Variants in IFT22 observed in about 807,000 individuals in gnomAD.
IFT22 encodes intraflagellar transport protein 22 homolog.
In IFT22, 13 loss-of-function variants were observed where a neutral mutation model predicts 21.0. That is an observed-to-expected ratio of 0.62 (90% CI 0.40 to 0.98). The LOEUF (loss-of-function observed/expected upper bound fraction) is 0.98, where lower values mean the gene tolerates loss of function less well. IFT22 is among the 50% of genes least tolerant of loss of function. The pLI is 0.00. For synonymous variants in IFT22, 67 were observed against 82.4 expected (o/e 0.81, Z 1.01); for missense variants, 227 against 228.9 (o/e 0.99, Z 0.06).
In IFT22 at chr7:101,318,922, G is replaced by A. The variant is rs764915732; in HGVS notation, c.116+34C>T. ...AATGAGCCTCCCTGCCGAGCCAGTTGGACACTCTGGGACACAGATTTGTCA... is the reference window on the plus strand; with the variant it reads ...AATGAGCCTCCCTGCCGAGCCAGTTAGACACTCTGGGACACAGATTTGTCA... On this transcript the variant is annotated intron_variant, in intron 2 of 4. Coordinates refer to ENST00000315322, the MANE Select transcript of IFT22 (RefSeq NM_022777.4). 5 of 1,542,308 alleles carry A rather than the reference G, an allele frequency of 3.2e-6. No individual in the cohort carries two copies. In the Admixed American group the frequency reaches 8.3e-5, roughly 26 times the overall value.
chr7:101,317,756 G>A (rs929398573), intron 3 of IFT22, among the ~76,000 whole-genome samples: 1 of 151,824 alleles, frequency 6.6e-6, no homozygotes, highest in Non-Finnish European at 1.5e-5. Flanking sequence ...CAGCTCTGTC[G>A]CCCAGGCTGG....
At position 101,312,264 on chromosome 7, in the gene IFT22, C is replaced by T. The variant is rs1328598453; in HGVS notation, c.*2870G>A. Among the ~76,000 whole-genome samples the T allele has an allele frequency of 2.6e-5, 4 of 151,908 alleles. No homozygotes were observed. The highest frequency in any genetic ancestry group is 9.7e-5 in the African/African-American group (4 of 41,372). ...ACAAAAAGTACAAAAATTAGCCAGG[C>T]GTGCACTAATTAGTGGGCTGGACCA... On this transcript the variant is annotated 3_prime_UTR_variant, in exon 5 of 5. Coordinates refer to ENST00000315322, the MANE Select transcript of IFT22 (RefSeq NM_022777.4).
At position 101,321,596 on chromosome 7, in the gene IFT22, C is replaced by T. The variant is rs1182646762; in HGVS notation, c.39+75G>A. 4 of 1,470,834 alleles carry T rather than the reference C, an allele frequency of 2.7e-6. No individual in the cohort carries two copies. In the East Asian group the frequency reaches 7.6e-5, roughly 28 times the overall value. 91.1% of individuals were successfully genotyped at this position (1,470,834 alleles called of 1,614,324 possible). On this transcript the variant is annotated intron_variant, in intron 1 of 4. Coordinates refer to ENST00000315322, the MANE Select transcript of IFT22 (RefSeq NM_022777.4). ...CTCCGGGAGCAAGCCGCAGATCAGA[C>T]GGGTGGGGACCTGCGCTCGCCCAGG... is the stretch of plus-strand genomic sequence containing the variant.
rs776042389 is a variant in IFT22, at chr7:101,316,405, G to A, written c.344C>T (p.Thr115Ile). ...CFVQQPSLQD[T>I]QCMLIAHHKP... ...GTGGTGTGCAATTAGCATACACTGTGTGTCCTGTAAGGACGGCTGTTGGAC... is the reference window on the plus strand; with the variant it reads ...GTGGTGTGCAATTAGCATACACTGTATGTCCTGTAAGGACGGCTGTTGGAC... Residue 115 changes from threonine (T) to isoleucine (I), a missense_variant, in exon 4 of 5, where the codon ACA (threonine) becomes ATA (isoleucine). Thr to Ile is a moderately conservative substitution (Grantham distance 89). Transcript: ENST00000315322. 1.9e-6 allele frequency: 3 copies of A among 1,613,996 alleles called. No homozygotes were observed. Among genetic ancestry groups the A allele is most frequent in the Non-Finnish European group, 2.5e-6 (3 of 1,180,042 alleles).
chr7:101,313,004 T>C lies in IFT22; in HGVS notation c.*2130A>G, dbSNP rs577682664. Among the ~76,000 whole-genome samples the C allele has an allele frequency of 3.0e-4, 46 of 152,032 alleles. No homozygotes were observed. Among genetic ancestry groups the C allele is most frequent in the Non-Finnish European group, 7.4e-5 (5 of 67,964 alleles). ...ACGTGCTACCACGCCCAGCTAATTTTTGTATTTTTAGTAGAGACGGGGTTT... is the reference window on the plus strand; with the variant it reads ...ACGTGCTACCACGCCCAGCTAATTTCTGTATTTTTAGTAGAGACGGGGTTT... On this transcript the variant is annotated 3_prime_UTR_variant, in exon 5 of 5. Coordinates refer to ENST00000315322, the MANE Select transcript of IFT22 (RefSeq NM_022777.4).
At position 101,311,963 on chromosome 7, in the gene IFT22, AAAAAC is replaced by A. The variant is rs979969387; in HGVS notation, c.*3166_*3170del. Among the ~76,000 whole-genome samples the A allele has an allele frequency of 2.6e-5, 4 of 152,092 alleles. No homozygotes were observed. The highest frequency in any genetic ancestry group is 9.7e-5 in the African/African-American group (4 of 41,414). On this transcript the variant is annotated 3_prime_UTR_variant, in exon 5 of 5. Transcript: ENST00000315322. ...GTGGAGATTGCAGTGAGACTCTCAA[AAAAAC>A]AAAACAACACAAAAAAATCTCCTAA...
In IFT22 at chr7:101,318,213, C is replaced by A; in HGVS notation, c.117G>T (p.Arg39Ser). ...ITEYSPTQGV[R>S]ILEFENPHVT... Reference sequence around the variant, plus strand: ...CATGCGGGTTCTCAAATTCTAGGATCCTAAAAGGAAAAAGAAGAGCAGTAG... The same window carrying A: ...CATGCGGGTTCTCAAATTCTAGGATACTAAAAGGAAAAAGAAGAGCAGTAG... Residue 39 changes from arginine to serine, a missense_variant and splice_region_variant, in exon 3 of 5, where the codon AGG (arginine) becomes AGT (serine). Arg to Ser is a moderately radical substitution (Grantham distance 110). Coordinates refer to ENST00000315322, the MANE Select transcript of IFT22 (RefSeq NM_022777.4). The A allele has an allele frequency of 3.1e-6, 5 of 1,612,076 alleles. No homozygotes were observed. The highest frequency in any genetic ancestry group is 4.2e-6 in the Non-Finnish European group (5 of 1,178,580).
At position 101,312,207 on chromosome 7, in the gene IFT22, C is replaced by G. The variant is rs2116908501; in HGVS notation, c.*2927G>C. Among the ~76,000 whole-genome samples the G allele has an allele frequency of 6.6e-6, 1 of 152,182 alleles. No homozygotes were observed. The highest frequency in any genetic ancestry group is 1.9e-4 in the East Asian group (1 of 5,160). Reference sequence around the variant, plus strand: ...TCACTCAAGGACAGGAGTTCGAGATCAGCTGGGGCAACATGGCAAAACCCC... The same window carrying G: ...TCACTCAAGGACAGGAGTTCGAGATGAGCTGGGGCAACATGGCAAAACCCC... On this transcript the variant is annotated 3_prime_UTR_variant, in exon 5 of 5. Coordinates refer to ENST00000315322, the MANE Select transcript of IFT22 (RefSeq NM_022777.4).
Position 101,314,945 on chromosome 7 carries a change from A to G in IFT22, c.*189T>C, listed in dbSNP as rs909601417. On this transcript the variant is annotated 3_prime_UTR_variant, in exon 5 of 5. Coordinates refer to ENST00000315322, the MANE Select transcript of IFT22 (RefSeq NM_022777.4). The stretch of plus-strand genomic sequence containing the variant: ...CAAATTTGATAATAGGATTTTCTCA[A>G]CTGAACTCAGGGCAGAGCACAGATG... The G allele has an allele frequency of 2.1e-5, 12 of 573,180 alleles. No homozygotes were observed. The highest frequency in any genetic ancestry group is 2.8e-5 in the South Asian group (1 of 35,646). 35.5% of individuals were successfully genotyped at this position (573,180 alleles called of 1,614,324 possible). A position where few individuals can be genotyped will look rare whatever the true frequency, so the allele number is the denominator to read the frequency against.
chr7:101,321,626 G>T, intron 1 of IFT22, 45 bp downstream of exon 1: 1 of 1,566,030 alleles, frequency 6.4e-7, no homozygotes, highest in Non-Finnish European at 8.7e-7. Context: ...CCCAGGCCCC[G>T]AGGCCTGCTC....
At chr7:101,321,343 C>T (rs913386090) in intron 1 of IFT22, 2 of 358,096 alleles carry the variant, frequency 5.6e-6, no homozygotes. Context: ...TCCAGACCCA[C>T]AGACGCATTC....
chr7:101,318,910 G>A lies in IFT22; in HGVS notation c.116+46C>T, dbSNP rs919727788. On this transcript the variant is annotated intron_variant, in intron 2 of 4. Transcript: ENST00000315322. Reference sequence around the variant, plus strand: ...TGGGATTAGAGGAATGAGCCTCCCTGCCGAGCCAGTTGGACACTCTGGGAC... The same window carrying A: ...TGGGATTAGAGGAATGAGCCTCCCTACCGAGCCAGTTGGACACTCTGGGAC... The A allele has an allele frequency of 4.7e-6, 7 of 1,487,652 alleles. No homozygotes were observed. In the African/African-American group the frequency reaches 5.5e-5, roughly 12 times the overall value. 92.2% of individuals were successfully genotyped at this position (1,487,652 alleles called of 1,614,324 possible). A position where few individuals can be genotyped will look rare whatever the true frequency, so the allele number is the denominator to read the frequency against.
intron 2 of IFT22, chr7:101,318,519 C>CAAA: frequency 8.3e-6 from 2 of 241,016 alleles, no homozygotes; most frequent in Non-Finnish European, 1.6e-5. Flanking sequence ...GACTCCATCC[C>CAAA]AAAAAAAAAA....
rs549268208 is a variant in IFT22, at chr7:101,318,132, G to A, written c.198C>T (p.Gly66=). The change falls in exon 3 of 5, where the codon GGC becomes GGT. Residue 66 remains glycine (G), a synonymous_variant. Transcript: ENST00000315322. The part of the protein sequence containing the change: ...GCEFELWDCG[G]DAKFESCWPA... ...CTTTAAAGGAAACATACTTAGCATC[G>A]CCACCACAGTCCCATAGCTCGAATT... The A allele has an allele frequency of 2.1e-4, 341 of 1,612,200 alleles. 3 individuals carry two copies. In the South Asian group the frequency reaches 3.5e-3, roughly 17 times the overall value.
At chr7:101,318,762 A>T (rs35653054) in intron 2 of IFT22, 194 bp downstream of exon 2, 82,067 of 535,698 alleles carry the variant, frequency 0.15, 6,977 homozygotes, top group Middle Eastern at 0.24. Context: ...TCAACCTAAC[A>T]TGTAGCTGAG....
In IFT22 at chr7:101,321,652, G is replaced by A. The variant is rs781003915; in HGVS notation, c.39+19C>T. The A allele has an allele frequency of 1.3e-5, 20 of 1,591,522 alleles. 1 individual carries two copies. In the South Asian group the frequency reaches 2.0e-4, roughly 16 times the overall value. On this transcript the variant is annotated intron_variant, in intron 1 of 4. Transcript: ENST00000315322. The stretch of plus-strand genomic sequence containing the variant: ...AGGCCTGCTCCCCGCTCCCTCTGCC[G>A]CGCCGGGCCAGGACTTACCTCGCAA...
Position 101,318,166 on chromosome 7 carries a change from G to T in IFT22, c.164C>A (p.Thr55Lys). ...NPHVTSNNKG[T>K]GCEFELWDCG... ...GTCCCATAGCTCGAATTCACAGCCC[G>T]TGCCTTTGTTGTTGCTGGTAACATG... The change falls in exon 3 of 5, where the codon ACG becomes AAG. Residue 55 changes from threonine to lysine, a missense_variant. Coordinates refer to ENST00000315322, the MANE Select transcript of IFT22 (RefSeq NM_022777.4). 6.2e-7 allele frequency: 1 copy of T among 1,613,446 alleles called. No individual in the cohort carries two copies. The highest frequency in any genetic ancestry group is 8.5e-7 in the Non-Finnish European group (1 of 1,179,564).
rs1402958039 is a variant in IFT22, at chr7:101,312,365, G to A, written c.*2769C>T. Among the ~76,000 whole-genome samples the A allele has an allele frequency of 2.0e-5, 3 of 152,188 alleles. No individual in the cohort carries two copies. On this transcript the variant is annotated 3_prime_UTR_variant, in exon 5 of 5. Coordinates refer to ENST00000315322, the MANE Select transcript of IFT22 (RefSeq NM_022777.4). ...AGATCAGTGGAGCCCAGGAGATTGA[G>A]GCTGCTGTGAGCTGTGGTCATGCCA...
chr7:101,318,088 C>T (rs763462319), intron 3 of IFT22, 36 bp downstream of exon 3: 10 of 1,579,236 alleles, frequency 6.3e-6, no homozygotes, highest in South Asian at 2.2e-5. Flanking sequence ...ATTTTTAAAC[C>T]ATTTGATGAA....
Sources: allele counts gnomAD v4.1 joint callset (sites outside exome capture counted in the v4.1 genomes callset), GRCh38; gene constraint gnomAD v4.1.1; transcripts MANE v1.5; gene names NCBI Gene and HGNC (gene_info 2026-07-23, HGNC 2026-07-21).